MUC5B: variants seen among roughly 807,000 people sequenced by gnomAD.
MUC5B encodes mucin-5B.
A neutral mutation model predicts 376.9 loss-of-function variants in MUC5B; 116 were observed. That is an observed-to-expected ratio of 0.31 (90% CI 0.26 to 0.36). MUC5B has a LOEUF of 0.36. MUC5B is among the 10% of genes least tolerant of loss of function. The pLI is 1.00. For synonymous variants in MUC5B, 3,517 were observed against 3,390.9 expected (o/e 1.04, Z -1.29); for missense variants, 7,165 against 7,769.9 (o/e 0.92, Z 2.93).
chr11:1,234,402 C>A lies in MUC5B; in HGVS notation c.2478+97C>A. 1 of 1,495,470 alleles carries A rather than the reference C, an allele frequency of 6.7e-7. No homozygotes were observed. 92.6% of individuals were successfully genotyped at this position (1,495,470 alleles called of 1,614,324 possible). On this transcript the variant is annotated intron_variant, in intron 20 of 48. Coordinates refer to ENST00000529681, the MANE Select transcript of MUC5B (RefSeq NM_002458.3). The surrounding 1 kb of genome is among the most constrained non-coding windows in gnomAD (Gnocchi z 6.3). ...TCTGGTGGTCCTGGAGACACTTACC[C>A]ACCTGGAAGCTCCGCCCTGGCCCAT... is the stretch of plus-strand genomic sequence containing the variant.
Position 1,251,481 on chromosome 11 carries a change from C to T in MUC5B, c.14601C>T (p.Ala4867=), listed in dbSNP as rs375276924. 6.2e-7 allele frequency: 1 copy of T among 1,613,144 alleles called. No individual in the cohort carries two copies. Among genetic ancestry groups the T allele is most frequent in the Non-Finnish European group, 8.5e-7 (1 of 1,179,762 alleles). ...TGCCCACCGGTTCCACGGCCACCGC[C>T]TCCTCCACTCTGGGAACAGCTCACA... ...VMVPTGSTAT[A]SSTLGTAHTP... Residue 4867 remains alanine, a synonymous_variant, in exon 31 of 49, where the codon GCC becomes GCT. Coordinates refer to ENST00000529681, the MANE Select transcript of MUC5B (RefSeq NM_002458.3).
In MUC5B at chr11:1,250,010, G is replaced by A; in HGVS notation, c.13130G>A (p.Ser4377Asn). Residue 4377 changes from serine to asparagine, a missense_variant, in exon 31 of 49, where the codon AGT becomes AAT. By Grantham distance (46) the Ser-to-Asn change is conservative. Transcript: ENST00000529681. The stretch of plus-strand genomic sequence containing the variant: ...AAGGCCACCACGACAAGGGCCACCA[G>A]TTCCACGTCCACCCCCTCCTCCACT... ...TTKATTTRAT[S>N]STSTPSSTPG... 2 of 1,611,790 alleles carry A rather than the reference G, an allele frequency of 1.2e-6. No individual in the cohort carries two copies. The highest frequency in any genetic ancestry group is 1.7e-6 in the Non-Finnish European group (2 of 1,178,838).
Position 1,228,566 on chromosome 11 carries a change from GGGCATCTGCCACCGCACCCTGCTGGGGCC to G in MUC5B, c.781_809del (p.Ile261LeufsTer53). On this transcript the variant is annotated frameshift_variant, in exon 8 of 49. Transcript: ENST00000529681. LOFTEE classifies it high-confidence loss of function. ...GCCTGGCCCACTGTGCTCCCCAGGAGGGCATCTGCCACCGCACCCTGCTGGGGCCGGCCTTTGCGGAGTGCCACGCACTG... is the reference window on the plus strand; with the variant it reads ...GCCTGGCCCACTGTGCTCCCCAGGAGGGCCTTTGCGGAGTGCCACGCACTG... 6.6e-7 allele frequency: 1 copy of G among 1,522,244 alleles called. No homozygotes were observed. The highest frequency in any genetic ancestry group is 8.8e-7 in the Non-Finnish European group (1 of 1,137,830). The allele number at this position is 1,522,244 out of a possible 1,614,324, so 94.3% of individuals were successfully genotyped here.
chr11:1,238,040 C>T lies in MUC5B; in HGVS notation c.3298-831C>T, dbSNP rs149716432. On this transcript the variant is annotated intron_variant, in intron 25 of 48. Transcript: ENST00000529681. ...GGCCCTGAAGCACTCTCATGTCGGCCGCCGCTTGCCCTCTTGAGAAGGCAG... is the reference window on the plus strand; with the variant it reads ...GGCCCTGAAGCACTCTCATGTCGGCTGCCGCTTGCCCTCTTGAGAAGGCAG... Among the ~76,000 whole-genome samples, 359 of 152,272 alleles carry T rather than the reference C, an allele frequency of 2.4e-3. 5 individuals are homozygous for T. Among genetic ancestry groups the T allele is most frequent in the African/African-American group, 8.0e-3 (333 of 41,546 alleles).
intron 5 of MUC5B, 35 bp downstream of exon 5, chr11:1,227,180 C>G: frequency 6.3e-7 from 1 of 1,595,638 alleles, no homozygotes; most frequent in Non-Finnish European, 8.6e-7. Context: ...CCCCTTCAGG[C>G]CTGGCCACAA....
In MUC5B at chr11:1,246,110, C is replaced by A. The variant is rs990420468; in HGVS notation, c.9230C>A (p.Thr3077Asn). ...TPIPSFTLGT[T>N]GTLPEQTTTP... ...ATCCCCTCCTTCACCCTTGGGACCA[C>A]CGGGACCCTCCCAGAACAGACCACC... Residue 3077 changes from threonine to asparagine, a missense_variant, in exon 31 of 49, where the codon ACC becomes AAC. This residue lies in a region of MUC5B where 939 missense variants were observed against 770.6 expected (regional missense o/e 1.22). Transcript: ENST00000529681. The A allele has an allele frequency of 3.1e-6, 5 of 1,613,054 alleles. No homozygotes were observed. The highest frequency in any genetic ancestry group is 2.2e-5 in the South Asian group (2 of 91,034).
rs566512627 is a variant in MUC5B, at chr11:1,241,893, G to A, written c.5013G>A (p.Thr1671=). The A allele has an allele frequency of 1.1e-5, 18 of 1,611,846 alleles. No individual in the cohort carries two copies. In the East Asian group the frequency reaches 1.6e-4, roughly 14 times the overall value. The stretch of plus-strand genomic sequence containing the variant: ...CAAGCACCCTTGGTACAGCCACCAC[G>A]GGAGGCCCCACGACGCCTGCAGGCT... The part of the protein sequence containing the change: ...RYTSTLGTAT[T]GGPTTPAGST... The change falls in exon 31 of 49, where the codon ACG becomes ACA. Residue 1671 remains threonine (T), a synonymous_variant. Transcript: ENST00000529681.
In MUC5B at chr11:1,253,713, G is replaced by A. The variant is rs1389839071; in HGVS notation, c.15218-379G>A. On this transcript the variant is annotated intron_variant, in intron 33 of 48. Coordinates refer to ENST00000529681, the MANE Select transcript of MUC5B (RefSeq NM_002458.3). The surrounding 1 kb of genome is among the most constrained non-coding windows in gnomAD (Gnocchi z 4.3). Reference sequence around the variant, plus strand: ...CCTTTGGCTGTGGCTGCATCCCTCCGATCTCTGCCTCTGCCTCTCTGTGGC... The same window carrying A: ...CCTTTGGCTGTGGCTGCATCCCTCCAATCTCTGCCTCTGCCTCTCTGTGGC... Among the ~76,000 whole-genome samples the A allele has an allele frequency of 1.3e-5, 2 of 152,060 alleles. No homozygotes were observed. The highest frequency in any genetic ancestry group is 2.9e-5 in the Non-Finnish European group (2 of 68,006).
intron 30 of MUC5B, 128 bp from the exon 31 acceptor site, chr11:1,240,723 A>C: frequency 1.1e-6 from 1 of 902,334 alleles, no homozygotes; most frequent in Non-Finnish European, 1.6e-6. Flanking sequence ...TGAGGCAGGC[A>C]CTGGGGTCCC....
At position 1,242,920 on chromosome 11, in the gene MUC5B, C is replaced by A. The variant is rs753546555; in HGVS notation, c.6040C>A (p.Pro2014Thr). 1 of 1,613,198 alleles carries A rather than the reference C, an allele frequency of 6.2e-7. No individual in the cohort carries two copies. Among genetic ancestry groups the A allele is most frequent in the Admixed American group, 1.7e-5 (1 of 59,990 alleles). Residue 2014 changes from proline to threonine, a missense_variant, in exon 31 of 49, where the codon CCA (proline) becomes ACA (threonine). Transcript: ENST00000529681. The stretch of plus-strand genomic sequence containing the variant: ...GTCCACAGCCACACCCTCCTCCACT[C>A]CAGAGACTGCCCACACCTCCACAGT... Reference protein sequence around the residue: ...TMSTATPSSTPETAHTSTVLT... With the variant: ...TMSTATPSSTTETAHTSTVLT...
Position 1,257,385 on chromosome 11 carries a change from A to G in MUC5B, c.16269+114A>G. 1 of 979,762 alleles carries G rather than the reference A, an allele frequency of 1.0e-6. No individual in the cohort carries two copies. Among genetic ancestry groups the G allele is most frequent in the Non-Finnish European group, 1.6e-6 (1 of 616,598 alleles). 60.7% of individuals were successfully genotyped at this position (979,762 alleles called of 1,614,324 possible). On this transcript the variant is annotated intron_variant, in intron 40 of 48. Coordinates refer to ENST00000529681, the MANE Select transcript of MUC5B (RefSeq NM_002458.3). This position sits in a 1 kb window ranked among gnomAD's most constrained non-coding sequence, Gnocchi z 8.9. ...TGTGGGGCGCCCGAGTGTGACGTGG[A>G]CGTGCCAGTGGCTGGTGTGCGCTTC...
In MUC5B at chr11:1,244,650, C is replaced by T. The variant is rs773991700; in HGVS notation, c.7770C>T (p.Thr2590=). The T allele has an allele frequency of 5.9e-5, 95 of 1,613,500 alleles. No individual in the cohort carries two copies. The highest frequency in any genetic ancestry group is 2.9e-4 in the East Asian group (13 of 44,822). Residue 2590 remains threonine (T), a synonymous_variant, in exon 31 of 49, where the codon ACC becomes ACT. Coordinates refer to ENST00000529681, the MANE Select transcript of MUC5B (RefSeq NM_002458.3). Reference sequence around the variant, plus strand: ...CCACGGCCACCACAACCGGGGCCACCGGCTCTGTGGCCACCCCCTCCTCCA... The same window carrying T: ...CCACGGCCACCACAACCGGGGCCACTGGCTCTGTGGCCACCCCCTCCTCCA... ...LTTTATTTGA[T]GSVATPSSTP... is the part of the protein sequence containing the mutation.
At chr11:1,238,816 C>G in intron 25 of MUC5B, 55 bp from the exon 26 acceptor site, 1 of 1,527,754 alleles carries the variant, frequency 6.5e-7, no homozygotes. Flanking sequence ...GCCAGCCACC[C>G]CCTGGCCGGG....
rs1012370550 is a variant in MUC5B, at chr11:1,255,459, C to T, written c.15967C>T (p.Arg5323Cys). The stretch of plus-strand genomic sequence containing the variant: ...CTGCATCAGCGACCACTGCAGGGGC[C>T]GCCTTGAGGTGCCCTGCCAGAGCCT... ...NACISDHCRG[R>C]LEVPCQSLEA... The change falls in exon 37 of 49, where the codon CGC becomes TGC. Residue 5323 changes from arginine to cysteine, a missense_variant. Arg to Cys is a radical substitution (Grantham distance 180). Around this residue, in one of 31 missense-constraint regions of MUC5B, gnomAD observed 842 missense variants for 1,016.9 expected, o/e 0.83. Coordinates refer to ENST00000529681, the MANE Select transcript of MUC5B (RefSeq NM_002458.3). 6 of 1,597,120 alleles carry T rather than the reference C, an allele frequency of 3.8e-6. No homozygotes were observed. The highest frequency in any genetic ancestry group is 2.3e-5 in the East Asian group (1 of 43,892).
intron 18 of MUC5B, 141 bp from the exon 19 acceptor site, chr11:1,233,652 C>A: frequency 1.3e-6 from 1 of 797,080 alleles, no homozygotes; most frequent in South Asian, 1.6e-5. Context: ...TCCCAGCAAA[C>A]ACAGCAGCAG....
chr11:1,259,803 C>T lies in MUC5B; in HGVS notation c.16761C>T (p.Val5587=). Residue 5587 remains valine (V), a synonymous_variant, in exon 45 of 49, where the codon GTC becomes GTT. Transcript: ENST00000529681. ...RVAGQCCGEC[V]QTACLTPDGQ... ...CCGGGCAGTGCTGTGGGGAGTGCGT[C>T]CAGACCGCCTGCCTCACGCCCGATG... The T allele has an allele frequency of 6.2e-7, 1 of 1,612,428 alleles. No individual in the cohort carries two copies. Among genetic ancestry groups the T allele is most frequent in the Non-Finnish European group, 8.5e-7 (1 of 1,179,698 alleles).
chr11:1,250,554 T>C lies in MUC5B; in HGVS notation c.13674T>C (p.Thr4558=), dbSNP rs202088302. 0.03 allele frequency: 47,749 copies of C among 1,609,898 alleles called. 870 individuals carry two copies. The highest frequency in any genetic ancestry group is 0.033 in the Non-Finnish European group (38,433 of 1,178,900). The change falls in exon 31 of 49, where the codon ACT becomes ACC. Residue 4558 remains threonine, a synonymous_variant. Transcript: ENST00000529681. ...CCACACCCTCCTCCACTCCAGAGACTGTCCACACCTCCACAGTGCTTACCG... is the reference window on the plus strand; with the variant it reads ...CCACACCCTCCTCCACTCCAGAGACCGTCCACACCTCCACAGTGCTTACCG... ...STATPSSTPE[T]VHTSTVLTAT...
intron 25 of MUC5B, among the ~76,000 whole-genome samples, chr11:1,237,751 C>T (rs1564936478): frequency 6.6e-6 from 1 of 152,130 alleles, no homozygotes; most frequent in Admixed American, 6.5e-5. Context: ...TGCCTGTAAT[C>T]CCAGCTACTC....
Position 1,246,519 on chromosome 11 carries a change from C to T in MUC5B, c.9639C>T (p.Ser3213=). ...TCATCAGCTCCAGAGCCACTCCCTC[C>T]TCCAGTCCAGGGACTGCAACCGCCC... ...PTVISSRATP[S]SSPGTATALP... Residue 3213 remains serine (S), a synonymous_variant, in exon 31 of 49, where the codon TCC becomes TCT. Transcript: ENST00000529681. 2 of 1,613,390 alleles carry T rather than the reference C, an allele frequency of 1.2e-6. No individual in the cohort carries two copies. Among genetic ancestry groups the T allele is most frequent in the Non-Finnish European group, 1.7e-6 (2 of 1,179,614 alleles).
Sources: gnomAD v4.1 joint callset for allele counts (sites outside exome capture counted in the v4.1 genomes callset) on GRCh38, gnomAD v4.1.1 for gene constraint, gnomAD v4.1.1 regional missense constraint, Gnocchi (gnomAD v3.1) non-coding constraint, MANE v1.5 for transcripts, NCBI Gene and HGNC (gene_info 2026-07-23, HGNC 2026-07-21) for gene names.